MCTP2: variants seen among roughly 807,000 people sequenced by gnomAD.
The protein encoded by MCTP2 is multiple C2 and transmembrane domain containing 2.
Under a neutral mutation model 111.6 loss-of-function variants are expected in MCTP2, and 132 were observed. The observed-to-expected ratio is 1.18, with a 90% CI of 1.03 to 1.37. The LOEUF is 1.37. Ranked by LOEUF, MCTP2 falls within the 40% of genes most tolerant of loss-of-function variation. The pLI is 0.00. For missense variants in MCTP2, 1,183 were observed against 1,067.9 expected (o/e 1.11, Z -1.50); for synonymous variants, 395 against 387.7 (o/e 1.02, Z -0.22).
intron 2 of MCTP2, among the ~76,000 whole-genome samples, chr15:94,300,378 C>T (rs575924355): frequency 7.9e-5 from 12 of 151,850 alleles, no homozygotes; most frequent in East Asian, 2.0e-4. Context: ...GGCGTGGTGG[C>T]GGGCACCTGT....
At chr15:94,439,530 C>T (rs2083659406) in intron 17 of MCTP2, among the ~76,000 whole-genome samples, 1 of 152,102 alleles carries the variant, frequency 6.6e-6, no homozygotes, top group Non-Finnish European at 1.5e-5. Flanking sequence ...AACCATCTAC[C>T]TGCATTCATG....
At chr15:94,300,137 T>C (rs931529086) in intron 2 of MCTP2, among the ~76,000 whole-genome samples, 1 of 152,136 alleles carries the variant, frequency 6.6e-6, no homozygotes, top group African/African-American at 2.4e-5. Flanking sequence ...AAAGTGGGCT[T>C]CTTGGCTTTG....
chr15:94,303,465 C>T (rs143600710), intron 2 of MCTP2, among the ~76,000 whole-genome samples: 1 of 151,962 alleles, frequency 6.6e-6, no homozygotes, highest in Non-Finnish European at 1.5e-5. Flanking sequence ...CCCACTGACT[C>T]AAATGTTAAT....
At chr15:94,400,480 G>T (rs1269113264) in intron 16 of MCTP2, among the ~76,000 whole-genome samples, 1 of 152,034 alleles carries the variant, frequency 6.6e-6, no homozygotes. Context: ...CTAAATTTGG[G>T]ATGTGTTGGC....
At chr15:94,390,076 A>ATGTATATATATATG (rs1173699808) in intron 14 of MCTP2, among the ~76,000 whole-genome samples, 9 of 12,650 alleles carry the variant, frequency 7.1e-4, no homozygotes, top group Admixed American at 1.4e-3. Context: ...ATATATATAT[A>ATGTATATATATATG]TATATATATA....
At chr15:94,360,871 C>G (rs1257731237) in intron 10 of MCTP2, among the ~76,000 whole-genome samples, 1 of 148,356 alleles carries the variant, frequency 6.7e-6, no homozygotes, top group Non-Finnish European at 1.5e-5. Flanking sequence ...TTTTGGTATC[C>G]TTTTCCTTTT....
Position 94,367,616 on chromosome 15 carries a change from A to C in MCTP2, c.1313A>C (p.Asp438Ala). The change falls in exon 11 of 23, where the codon GAT (aspartate) becomes GCT (alanine). Residue 438 changes from aspartate to alanine, a missense_variant. Coordinates refer to ENST00000357742, the MANE Select transcript of MCTP2 (RefSeq NM_001385001.1). ...HEERLGTCKV[D>A]ISALPLKQAN... ...TGAAACTTTTCTAGGTGTAAAGTGG[A>C]TATCTCGGCACTCCCTCTGAAGCAA... is the stretch of plus-strand genomic sequence containing the variant. The C allele has an allele frequency of 6.2e-7, 1 of 1,610,270 alleles. No individual in the cohort carries two copies. The highest frequency in any genetic ancestry group is 8.5e-7 in the Non-Finnish European group (1 of 1,178,374).
At chr15:94,320,988 G>A (rs1314787097) in intron 4 of MCTP2, among the ~76,000 whole-genome samples, 1 of 152,174 alleles carries the variant, frequency 6.6e-6, no homozygotes, top group African/African-American at 2.4e-5. Context: ...CTCATAATGT[G>A]ATTGTAAGGA....
chr15:94,381,535 G>A (rs1462313077), intron 12 of MCTP2, among the ~76,000 whole-genome samples: 1 of 152,308 alleles, frequency 6.6e-6, no homozygotes, highest in South Asian at 2.1e-4. Context: ...GCCTCAACAG[G>A]ACCAGGCAGC....
rs1385377854 is a variant in MCTP2, at chr15:94,442,960, G to C, written c.2250G>C (p.Lys750Asn). 6.2e-7 allele frequency: 1 copy of C among 1,612,676 alleles called. No individual in the cohort carries two copies. The change falls in exon 19 of 23, where the codon AAG becomes AAC. Residue 750 changes from lysine to asparagine, a missense_variant and splice_region_variant. Coordinates refer to ENST00000357742, the MANE Select transcript of MCTP2 (RefSeq NM_001385001.1). ...DIDDEEDEDD[K>N]ESEKKGLIER... The stretch of plus-strand genomic sequence containing the variant: ...ATGACGAGGAGGATGAAGATGACAA[G>C]GTGCGTATGTTCAAGAAAGAACACA...
chr15:94,264,574 A>G (rs1195967062), intron 1 of MCTP2, among the ~76,000 whole-genome samples: 1 of 152,002 alleles, frequency 6.6e-6, no homozygotes, highest in Non-Finnish European at 1.5e-5. Context: ...GCGCCACTGC[A>G]CTCCAGAGCC....
chr15:94,446,398 T>G lies in MCTP2; in HGVS notation c.2250+3438T>G, dbSNP rs183418240. On this transcript the variant is annotated intron_variant, in intron 19 of 22. Coordinates refer to ENST00000357742, the MANE Select transcript of MCTP2 (RefSeq NM_001385001.1). ...GTTGACATTTCCTATTTGTATTAGA[T>G]TCCATATGTGGAATCCTTCCATGTG... Among the ~76,000 whole-genome samples the G allele has an allele frequency of 3.9e-5, 6 of 152,324 alleles. No homozygotes were observed. The East Asian group carries it at 1.2e-3, about 29-fold the overall frequency.
chr15:94,286,329 A>G (rs1052011972), intron 1 of MCTP2, among the ~76,000 whole-genome samples: 2 of 152,190 alleles, frequency 1.3e-5, no homozygotes, highest in Admixed American at 1.3e-4. Context: ...ATTTTTTACT[A>G]TTATTGACCC....
chr15:94,320,141 CT>C (rs71135503), intron 4 of MCTP2, among the ~76,000 whole-genome samples: 54,225 of 115,750 alleles, frequency 0.47, 10,571 homozygotes, highest in East Asian at 0.52. Context: ...GTTTATTAAT[CT>C]TTTTTTTTTT....
chr15:94,337,717 G>C (rs1223020955), intron 4 of MCTP2, among the ~76,000 whole-genome samples: 1 of 146,272 alleles, frequency 6.8e-6, no homozygotes, highest in Non-Finnish European at 1.5e-5. Context: ...GCATGCCCAA[G>C]TTTAAAATAA....
intron 1 of MCTP2, among the ~76,000 whole-genome samples, chr15:94,232,209 G>A (rs1316592965): frequency 6.6e-6 from 1 of 152,222 alleles, no homozygotes; most frequent in African/African-American, 2.4e-5. Flanking sequence ...GTGAACTTGA[G>A]TGGCGATTAG....
At chr15:94,372,207 G>A (rs1247854692) in intron 12 of MCTP2, among the ~76,000 whole-genome samples, 1 of 152,126 alleles carries the variant, frequency 6.6e-6, no homozygotes, top group East Asian at 1.9e-4. Context: ...TAAATGCCCT[G>A]GTGTTTCACT....
intron 17 of MCTP2, among the ~76,000 whole-genome samples, chr15:94,430,852 A>G (rs1265464948): frequency 1.3e-5 from 2 of 151,964 alleles, no homozygotes; most frequent in Non-Finnish European, 2.9e-5. Flanking sequence ...AACATTATTC[A>G]CCTAGATACC....
chr15:94,281,667 T>G (rs1471599696), intron 1 of MCTP2, among the ~76,000 whole-genome samples: 1 of 152,218 alleles, frequency 6.6e-6, no homozygotes, highest in African/African-American at 2.4e-5. Flanking sequence ...TGCTATGTAC[T>G]TCAGTATATT....
Sources: allele counts gnomAD v4.1 joint callset (sites outside exome capture counted in the v4.1 genomes callset), GRCh38; gene constraint gnomAD v4.1.1; transcripts MANE v1.5; gene names NCBI Gene and HGNC (gene_info 2026-07-23, HGNC 2026-07-21).